The following KALRN variants were observed in gnomAD, a reference collection of about 807,000 sequenced individuals.
KALRN encodes the protein kalirin.
KALRN carries 70 observed loss-of-function variants against 353.7 expected under a neutral mutation model. That is an observed-to-expected ratio of 0.20 (90% CI 0.16 to 0.24). KALRN has a LOEUF of 0.24. KALRN is among the 10% of genes least tolerant of loss of function. The pLI, the probability that KALRN is intolerant of heterozygous loss-of-function variation, is 1.00. For synonymous variants in KALRN, 1,391 were observed against 1,434.8 expected (o/e 0.97, Z 0.69); for missense variants, 2,791 against 3,756.7 (o/e 0.74, Z 6.72).
intron 34 of KALRN, among the ~76,000 whole-genome samples, chr3:124,604,580 T>A (rs1347821186): frequency 1.3e-5 from 2 of 152,230 alleles, no homozygotes; most frequent in Non-Finnish European, 2.9e-5. Context: ...AGGGGAATAA[T>A]AGTGATTACT....
chr3:124,414,617 C>A (rs1368197395), intron 14 of KALRN, among the ~76,000 whole-genome samples: 1 of 152,204 alleles, frequency 6.6e-6, no homozygotes, highest in Non-Finnish European at 1.5e-5. Flanking sequence ...ACTTCCCACT[C>A]CCCAAGTCAT....
At chr3:124,399,241 C>T (rs575201258) in intron 13 of KALRN, among the ~76,000 whole-genome samples, 2 of 152,170 alleles carry the variant, frequency 1.3e-5, no homozygotes, top group Non-Finnish European at 2.9e-5. Context: ...CGGGTTCAAG[C>T]GATTCTTCTG....
chr3:124,324,618 G>A (rs2079685721), intron 6 of KALRN, among the ~76,000 whole-genome samples: 1 of 152,184 alleles, frequency 6.6e-6, no homozygotes, highest in African/African-American at 2.4e-5. Flanking sequence ...TAGACATCAG[G>A]ATGGATTTGT....
intron 19 of KALRN, among the ~76,000 whole-genome samples, chr3:124,443,723 A>C (rs2093741622): frequency 1.3e-5 from 2 of 152,182 alleles, no homozygotes; most frequent in African/African-American, 2.4e-5. Flanking sequence ...AAATGCCTAC[A>C]TCTTCTTGGA....
chr3:124,674,957 C>G (rs1363018201), intron 49 of KALRN: 1 of 179,520 alleles, frequency 5.6e-6, no homozygotes, highest in African/African-American at 2.4e-5. Context: ...TGACCCACCA[C>G]AGGACTCACT....
chr3:124,657,608 C>G lies in KALRN; in HGVS notation c.5966+57C>G, dbSNP rs573159004. ...GTCCTGGGAATCCAGGACTTGAGTCCTCTTCCTGCATCTGACTCAAGGAGT... is the reference window on the plus strand; with the variant it reads ...GTCCTGGGAATCCAGGACTTGAGTCGTCTTCCTGCATCTGACTCAAGGAGT... On this transcript the variant is annotated intron_variant, in intron 40 of 59. Transcript: ENST00000682506. 7.8e-4 allele frequency: 1,129 copies of G among 1,444,442 alleles called. 1 individual carries two copies. The highest frequency in any genetic ancestry group is 1.0e-3 in the Non-Finnish European group (1,041 of 1,026,106). The allele number at this position is 1,444,442 out of a possible 1,614,324, so 89.5% of individuals were successfully genotyped here.
Position 124,674,619 on chromosome 3 carries a change from G to A in KALRN, c.7193+5G>A. ...AAGTAGTGACGGGAGCATCAAGTAA[G>A]TGCCTCGTTGGCTTCCCCGGGAGAG... On this transcript the variant is annotated splice_donor_5th_base_variant and intron_variant, in intron 49 of 59. Coordinates refer to ENST00000682506, the MANE Select transcript of KALRN (RefSeq NM_001388419.1). The A allele has an allele frequency of 2.5e-6, 4 of 1,572,400 alleles. No individual in the cohort carries two copies. Among genetic ancestry groups the A allele is most frequent in the Non-Finnish European group, 3.5e-6 (4 of 1,156,424 alleles).
chr3:124,714,357 A>C (rs1161109299), intron 58 of KALRN, among the ~76,000 whole-genome samples: 1 of 152,198 alleles, frequency 6.6e-6, no homozygotes, highest in Non-Finnish European at 1.5e-5. Context: ...GCTGACCCAG[A>C]ACTTCTGCCC....
At chr3:124,246,749 G>T (rs1207166898) in intron 3 of KALRN, among the ~76,000 whole-genome samples, 1 of 152,180 alleles carries the variant, frequency 6.6e-6, no homozygotes, top group Non-Finnish European at 1.5e-5. Context: ...GTGTCACCTT[G>T]ATTAGGTCAA....
At chr3:124,524,023 A>G (rs565219995) in intron 33 of KALRN, among the ~76,000 whole-genome samples, 2 of 152,256 alleles carry the variant, frequency 1.3e-5, no homozygotes, top group Non-Finnish European at 2.9e-5. Context: ...ACTATGTATC[A>G]GACACTCTAA....
intron 7 of KALRN, among the ~76,000 whole-genome samples, chr3:124,329,205 A>G (rs544906891): frequency 1.3e-5 from 2 of 152,276 alleles, no homozygotes; most frequent in East Asian, 3.9e-4. Flanking sequence ...AAATAATTTG[A>G]TGTCTGTCAA....
At chr3:124,541,573 T>C (rs1371547334) in intron 33 of KALRN, among the ~76,000 whole-genome samples, 2 of 151,842 alleles carry the variant, frequency 1.3e-5, no homozygotes, top group Non-Finnish European at 2.9e-5. Context: ...TTTAGTTGCT[T>C]GGAAAAGAGC....
At chr3:124,143,648 TGGAG>T (rs1266119885) in intron 1 of KALRN, among the ~76,000 whole-genome samples, 1 of 152,058 alleles carries the variant, frequency 6.6e-6, no homozygotes, top group Non-Finnish European at 1.5e-5. Flanking sequence ...CCCCTTTAAA[TGGAG>T]AGAGAGAAAC....
chr3:124,493,412 G>A (rs2063378411), intron 32 of KALRN, among the ~76,000 whole-genome samples: 1 of 152,114 alleles, frequency 6.6e-6, no homozygotes, highest in African/African-American at 2.4e-5. Context: ...GGCAGAAGAG[G>A]ACTTATATCT....
chr3:124,304,087 A>G (rs542221783), intron 6 of KALRN, among the ~76,000 whole-genome samples: 1 of 151,078 alleles, frequency 6.6e-6, no homozygotes, highest in East Asian at 2.0e-4. Context: ...CCAAACAGGC[A>G]GCATTTTTTA....
chr3:124,316,288 C>T (rs1023821282), intron 6 of KALRN, among the ~76,000 whole-genome samples: 1 of 152,194 alleles, frequency 6.6e-6, no homozygotes, highest in African/African-American at 2.4e-5. Context: ...ACCTTTGCTC[C>T]CCAGCAGTCC....
At chr3:124,399,988 G>T (rs1576597552) in intron 13 of KALRN, among the ~76,000 whole-genome samples, 1 of 152,128 alleles carries the variant, frequency 6.6e-6, no homozygotes, top group African/African-American at 2.4e-5. Context: ...CTCCTGGCTG[G>T]TATGGTAGGG....
intron 33 of KALRN, among the ~76,000 whole-genome samples, chr3:124,511,300 T>A (rs901913076): frequency 3.9e-5 from 6 of 152,344 alleles, no homozygotes; most frequent in African/African-American, 1.4e-4. Context: ...TATTTCCAAC[T>A]GTCTATGACA....
chr3:124,623,399 T>TACACACACACACAC (rs372330681), intron 34 of KALRN, among the ~76,000 whole-genome samples: 2,272 of 136,484 alleles, frequency 0.017, 68 homozygotes, highest in African/African-American at 0.057. Context: ...TATTTATTTA[T>TACACACACACACAC]ACACACACAC....
Sources: allele counts gnomAD v4.1 joint callset (sites outside exome capture counted in the v4.1 genomes callset), GRCh38; gene constraint gnomAD v4.1.1; transcripts MANE v1.5; gene names NCBI Gene and HGNC (gene_info 2026-07-23, HGNC 2026-07-21).